The following LRRC28 variants were observed in gnomAD, a reference collection of about 807,000 sequenced individuals.
LRRC28 encodes the protein leucine rich repeat containing 28, also known as leucine-rich repeat-containing protein 28.
In LRRC28, 39 loss-of-function variants were observed where a neutral mutation model predicts 45.7. That is an observed-to-expected ratio of 0.85 (90% CI 0.66 to 1.12). The LOEUF (loss-of-function observed/expected upper bound fraction) is 1.12, where lower values mean the gene tolerates loss of function less well. Among genes scored for constraint, LRRC28 ranks in the 50% most tolerant of loss-of-function variants. The probability of loss-of-function intolerance (pLI) is 0.00; values close to 1 mark genes in which losing one functional copy is unlikely to be tolerated. For synonymous variants in LRRC28, 206 were observed against 178.8 expected (o/e 1.15, Z -1.22); for missense variants, 435 against 438.5 (o/e 0.99, Z 0.07).
chr15:99,273,533 G>A (rs1007276591), intron 2 of LRRC28, among the ~76,000 whole-genome samples: 4 of 150,580 alleles, frequency 2.7e-5, no homozygotes, highest in Non-Finnish European at 4.4e-5. Flanking sequence ...CACCGTGCCC[G>A]GCCGTGTCTG....
Position 99,386,072 on chromosome 15 carries a change from G to T in LRRC28, c.1074G>T (p.Gln358His). The change falls in exon 10 of 10, where the codon CAG (glutamine) becomes CAT (histidine). Residue 358 changes from glutamine to histidine, a missense_variant. Physicochemically the swap from Gln to His is conservative, Grantham distance 24. Transcript: ENST00000301981. ...TTGTGGCTTACTGCTGCTCCACCCA[G>T]TGTCTGCAGACTTTTGACCTGCTGA... The part of the protein sequence containing the change: ...VSFVAYCCST[Q>H]CLQTFDLLS 1 of 1,614,140 alleles carries T rather than the reference G, an allele frequency of 6.2e-7. No homozygotes were observed.
At chr15:99,341,336 C>T (rs145297570) in intron 6 of LRRC28, among the ~76,000 whole-genome samples, 2 of 152,274 alleles carry the variant, frequency 1.3e-5, no homozygotes, top group African/African-American at 2.4e-5. Context: ...AGCTGATCCA[C>T]CTGGCTCAGC....
chr15:99,321,891 A>G (rs1955810299), intron 5 of LRRC28, among the ~76,000 whole-genome samples: 1 of 152,098 alleles, frequency 6.6e-6, no homozygotes, highest in South Asian at 2.1e-4. Context: ...AAATAAATGA[A>G]TAAGTAATTA....
rs1335629640 is a variant in LRRC28, at chr15:99,334,092, C to T, written c.555C>T (p.Leu185=). ...HLCQLPSLNE[L]SMAGNRLAFL... ...GCCAGCTGCCCAGCCTCAATGAGCT[C>T]TCCATGGCTGGAAACCGTCTTGCAT... The change falls in exon 6 of 10, where the codon CTC becomes CTT. Residue 185 remains leucine (L), a synonymous_variant. Coordinates refer to ENST00000301981, the MANE Select transcript of LRRC28 (RefSeq NM_144598.5). 9 of 1,614,012 alleles carry T rather than the reference C, an allele frequency of 5.6e-6. No individual in the cohort carries two copies. The highest frequency in any genetic ancestry group is 6.8e-6 in the Non-Finnish European group (8 of 1,179,998).
At chr15:99,268,721 T>TGTAATC (rs1269471745) in intron 2 of LRRC28, among the ~76,000 whole-genome samples, 2 of 152,144 alleles carry the variant, frequency 1.3e-5, no homozygotes, top group African/African-American at 4.8e-5. Context: ...TCAAGCTAGG[T>TGTAATC]GTAATCTTAA....
chr15:99,319,555 C>G (rs1252838960), intron 5 of LRRC28, among the ~76,000 whole-genome samples: 2 of 151,876 alleles, frequency 1.3e-5, no homozygotes, highest in African/African-American at 2.4e-5. Context: ...GGTTAGATAC[C>G]AGCGAACACC....
intron 2 of LRRC28, among the ~76,000 whole-genome samples, chr15:99,270,257 G>A (rs748374259): frequency 6.6e-6 from 1 of 152,094 alleles, no homozygotes; most frequent in Non-Finnish European, 1.5e-5. Context: ...TTTTAAAAAC[G>A]AAAACGAATT....
intron 6 of LRRC28, chr15:99,338,434 C>T (rs546494143): frequency 2.6e-4 from 40 of 152,364 alleles, no homozygotes; most frequent in African/African-American, 9.1e-4. Flanking sequence ...AGGGGTACCT[C>T]TTTACAGTAG....
At chr15:99,367,930 TG>T (rs1257951720) in intron 9 of LRRC28, among the ~76,000 whole-genome samples, 4 of 152,140 alleles carry the variant, frequency 2.6e-5, no homozygotes, top group African/African-American at 9.7e-5. Flanking sequence ...AATTGTGTCT[TG>T]GTCTTTCTGG....
chr15:99,255,915 C>G lies in LRRC28; in HGVS notation c.-43C>G. ...CTTTATAGAAATGGACCAATTTTGA[C>G]AAGATATAGTGCTGCAGCGTGCCTG... On this transcript the variant is annotated 5_prime_UTR_variant, in exon 2 of 10. Coordinates refer to ENST00000301981, the MANE Select transcript of LRRC28 (RefSeq NM_144598.5). 4 of 1,534,154 alleles carry G rather than the reference C, an allele frequency of 2.6e-6. No homozygotes were observed. Among genetic ancestry groups the G allele is most frequent in the Non-Finnish European group, 3.5e-6 (4 of 1,144,296 alleles).
At chr15:99,266,841 A>C (rs1162680483) in intron 2 of LRRC28, among the ~76,000 whole-genome samples, 3 of 152,226 alleles carry the variant, frequency 2.0e-5, no homozygotes, top group African/African-American at 7.2e-5. Context: ...TCCTCAGGAC[A>C]ATCCTGTGAT....
chr15:99,374,680 C>CTT (rs796137860), intron 9 of LRRC28, among the ~76,000 whole-genome samples: 9 of 145,474 alleles, frequency 6.2e-5, no homozygotes, highest in African/African-American at 2.0e-4. Context: ...GTTCCAATCT[C>CTT]TTTTTTTTTT....
At chr15:99,274,738 G>A (rs555358412) in intron 2 of LRRC28, among the ~76,000 whole-genome samples, 1 of 152,140 alleles carries the variant, frequency 6.6e-6, no homozygotes, top group African/African-American at 2.4e-5. Context: ...TTTTGAAAAT[G>A]TAAGATTTCT....
chr15:99,330,101 C>A (rs1366990726), intron 5 of LRRC28, among the ~76,000 whole-genome samples: 6 of 151,878 alleles, frequency 4.0e-5, no homozygotes, highest in Non-Finnish European at 8.8e-5. Flanking sequence ...TTTAAAAATT[C>A]TTTCGAGAAT....
chr15:99,381,700 A>G lies in LRRC28; in HGVS notation c.1032-4330A>G, dbSNP rs896224615. Among the ~76,000 whole-genome samples, 44 of 152,224 alleles carry G rather than the reference A, an allele frequency of 2.9e-4. 1 individual carries two copies. Among genetic ancestry groups the G allele is most frequent in the African/African-American group, 1.0e-3 (43 of 41,538 alleles). On this transcript the variant is annotated intron_variant, in intron 9 of 9. Transcript: ENST00000301981. ...GGTCTTTGATGATGGTGACTTACAG[A>G]TGGGGTTTTGGTGTGGATGTCCTTT...
intron 1 of LRRC28, among the ~76,000 whole-genome samples, chr15:99,253,125 A>AT (rs3070451): frequency 0.45 from 66,795 of 148,752 alleles, 15,101 homozygotes; most frequent in African/African-American, 0.54. Flanking sequence ...TAGGGAAGTG[A>AT]TTTTTTTTTT....
chr15:99,302,269 T>C (rs8038970), intron 5 of LRRC28, among the ~76,000 whole-genome samples: 82,793 of 151,958 alleles, frequency 0.54, 24,903 homozygotes, highest in African/African-American at 0.83. Context: ...CCTCATGATC[T>C]GCCCGCCTCG....
At chr15:99,312,949 A>G (rs1226179034) in intron 5 of LRRC28, among the ~76,000 whole-genome samples, 14 of 152,240 alleles carry the variant, frequency 9.2e-5, no homozygotes, top group Non-Finnish European at 7.3e-5. Context: ...CAGTAATTAC[A>G]TTAAATGTGA....
intron 5 of LRRC28, among the ~76,000 whole-genome samples, chr15:99,299,249 A>G (rs1020692968): frequency 1.3e-5 from 2 of 152,208 alleles, no homozygotes; most frequent in Non-Finnish European, 2.9e-5. Flanking sequence ...TAATTATTTT[A>G]TAGTTTCAGC....
Sources: allele counts gnomAD v4.1 joint callset (sites outside exome capture counted in the v4.1 genomes callset), GRCh38; gene constraint gnomAD v4.1.1; transcripts MANE v1.5; gene names NCBI Gene and HGNC (gene_info 2026-07-23, HGNC 2026-07-21).